The following MPDZ variants were observed in gnomAD, a reference collection of about 807,000 sequenced individuals.
MPDZ encodes multiple PDZ domain protein.
In MPDZ, 234 loss-of-function variants were observed where a neutral mutation model predicts 239.1. The observed-to-expected ratio is 0.98, with a 90% CI of 0.88 to 1.09. MPDZ has a LOEUF of 1.09. Ranked by LOEUF, MPDZ falls within the 50% of genes least tolerant of loss-of-function variation. The pLI, the probability that MPDZ is intolerant of heterozygous loss-of-function variation, is 0.00. For missense variants in MPDZ, 3,175 were observed against 2,510.0 expected, an observed-to-expected ratio of 1.26 and a Z score of -5.66; for synonymous variants, 1,048 against 881.3, an observed-to-expected ratio of 1.19 and a Z score of -3.35.
At chr9:13,254,492 A>G (rs1438733999) in intron 1 of MPDZ, among the ~76,000 whole-genome samples, 1 of 152,216 alleles carries the variant, frequency 6.6e-6, no homozygotes. Flanking sequence ...CAATTTTATT[A>G]TTAGTTGTTG....
chr9:13,113,220 C>A (rs1381091044), intron 41 of MPDZ, among the ~76,000 whole-genome samples, 166 bp from the exon 42 acceptor site: 1 of 151,984 alleles, frequency 6.6e-6, no homozygotes, highest in Non-Finnish European at 1.5e-5. Context: ...TTACACAGAA[C>A]TATTTATTTT....
At chr9:13,189,978 A>C (rs1348167299) in intron 16 of MPDZ, 136 bp downstream of exon 16, 8 of 690,044 alleles carry the variant, frequency 1.2e-5, no homozygotes, top group African/African-American at 1.8e-5. Context: ...TAATCAGTGA[A>C]TCCTATAAAT....
In MPDZ at chr9:13,119,862, C is replaced by G. The variant is rs1041384354; in HGVS notation, c.5232-213G>C. ...AGTGCTTCATAGATTAAAATGATCT[C>G]CAATAAGCATATTTATTCTTCATCA... On this transcript the variant is annotated intron_variant, in intron 38 of 46. Coordinates refer to ENST00000319217, the MANE Select transcript of MPDZ (RefSeq NM_001378778.1). The G allele has an allele frequency of 5.3e-6, 3 of 570,068 alleles. No homozygotes were observed. In the African/African-American group the frequency reaches 5.6e-5, roughly 11 times the overall value. The allele number at this position is 570,068 out of a possible 1,614,324, so 35.3% of individuals were successfully genotyped here.
intron 1 of MPDZ, among the ~76,000 whole-genome samples, chr9:13,269,797 A>G (rs1232954584): frequency 6.6e-6 from 1 of 152,180 alleles, no homozygotes; most frequent in African/African-American, 2.4e-5. Flanking sequence ...CACTAAGAAA[A>G]TTCAGCAAGA....
At chr9:13,130,550 T>C (rs1400381254) in intron 32 of MPDZ, among the ~76,000 whole-genome samples, 1 of 152,220 alleles carries the variant, frequency 6.6e-6, no homozygotes, top group African/African-American at 2.4e-5. Flanking sequence ...ACAGAAAAGA[T>C]ACCCACATCA....
chr9:13,124,670 C>G (rs912650875), intron 35 of MPDZ, among the ~76,000 whole-genome samples: 1 of 152,092 alleles, frequency 6.6e-6, no homozygotes, highest in Admixed American at 6.5e-5. Context: ...TGACAGGACC[C>G]ACTATTACAC....
At chr9:13,205,821 A>T in intron 11 of MPDZ, 95 bp downstream of exon 11, 2 of 1,139,464 alleles carry the variant, frequency 1.8e-6, no homozygotes, top group Non-Finnish European at 2.4e-6. Flanking sequence ...CTGAATAATT[A>T]AGAACCATTC....
At chr9:13,193,431 A>C in intron 13 of MPDZ, 118 bp from the exon 14 acceptor site, 1 of 1,147,932 alleles carries the variant, frequency 8.7e-7, no homozygotes, top group Non-Finnish European at 1.2e-6. Context: ...AAAGCTTCAA[A>C]AACCATATTG....
chr9:13,123,187 C>A lies in MPDZ; in HGVS notation c.4919G>T (p.Gly1640Val). 3.7e-6 allele frequency: 6 copies of A among 1,612,968 alleles called. No individual in the cohort carries two copies. The highest frequency in any genetic ancestry group is 5.1e-6 in the Non-Finnish European group (6 of 1,179,806). ...GTCTGAACCCCCAACGATGCTCAGG[C>A]CCAGCCCTGTTCGCCCTTTGGAAAT... ...IEISKGRTGL[G>V]LSIVGGSDTL... The change falls in exon 36 of 47, where the codon GGC (glycine) becomes GTC (valine). Residue 1640 changes from glycine to valine, a missense_variant. Gly to Val is a moderately radical substitution (Grantham distance 109). Coordinates refer to ENST00000319217, the MANE Select transcript of MPDZ (RefSeq NM_001378778.1).
chr9:13,176,348 T>A lies in MPDZ; in HGVS notation c.2719A>T (p.Asn907Tyr). Residue 907 changes from asparagine to tyrosine, a missense_variant, in exon 20 of 47, where the codon AAT becomes TAT. Asn to Tyr is a moderately radical substitution (Grantham distance 143, BLOSUM62 -2). Transcript: ENST00000319217. ...HMSLEELYTQ[N>Y]LLQRQDENTP... is the part of the protein sequence containing the mutation. Reference sequence around the variant, plus strand: ...TTCTCATCCTGTCTTTGCAGGAGATTCTGGGTATATAGTTCCTCCAGAGAC... The same window carrying A: ...TTCTCATCCTGTCTTTGCAGGAGATACTGGGTATATAGTTCCTCCAGAGAC... 6.2e-7 allele frequency: 1 copy of A among 1,607,776 alleles called. No individual in the cohort carries two copies.
chr9:13,112,158 C>T lies in MPDZ; in HGVS notation c.5602-12G>A. 6.2e-7 allele frequency: 1 copy of T among 1,600,084 alleles called. No individual in the cohort carries two copies. Among genetic ancestry groups the T allele is most frequent in the Admixed American group, 1.7e-5 (1 of 58,328 alleles). Reference sequence around the variant, plus strand: ...GAGTCAGTAGGGCCCTGCCATGGAACAGATATAAAATTTTGGTCAAAGTGA... The same window carrying T: ...GAGTCAGTAGGGCCCTGCCATGGAATAGATATAAAATTTTGGTCAAAGTGA... On this transcript the variant is annotated splice_polypyrimidine_tract_variant and intron_variant, in intron 42 of 46. Transcript: ENST00000319217.
rs1175029136 is a variant in MPDZ at position 13,136,320 on chromosome 9, GTTTTCT to G, written c.4293-144_4293-139del. 6.6e-4 allele frequency: 129 copies of G among 194,618 alleles called. 7 individuals carry two copies. The African/African-American group carries it at 6.9e-3, about 10-fold the overall frequency. 12.1% of individuals were successfully genotyped at this position (194,618 alleles called of 1,614,324 possible). On this transcript the variant is annotated intron_variant, in intron 30 of 46. Coordinates refer to ENST00000319217, the MANE Select transcript of MPDZ (RefSeq NM_001378778.1). ...CTGTGACACTTACAAATTTACAAAC[GTTTTCT>G]TTTTTTTTTTTTTTTTTTTTTTTGA...
chr9:13,250,800 CCTAA>C (rs1967753630), intron 1 of MPDZ, among the ~76,000 whole-genome samples: 1 of 152,088 alleles, frequency 6.6e-6, no homozygotes, highest in South Asian at 2.1e-4. Context: ...GGCTCACACT[CCTAA>C]CTGAGGAGAC....
At chr9:13,156,644 G>A (rs1023214521) in intron 24 of MPDZ, among the ~76,000 whole-genome samples, 1 of 152,180 alleles carries the variant, frequency 6.6e-6, no homozygotes, top group African/African-American at 2.4e-5. Context: ...GCTACAAGAT[G>A]AGATTTGGGT....
At chr9:13,190,083 T>C (rs766398570) in intron 16 of MPDZ, 31 bp downstream of exon 16, 73 of 1,583,784 alleles carry the variant, frequency 4.6e-5, no homozygotes, top group Non-Finnish European at 6.1e-5. Flanking sequence ...CAATAGGCCT[T>C]TAAAAATTGT....
At chr9:13,178,365 G>A (rs1952796053) in intron 19 of MPDZ, among the ~76,000 whole-genome samples, 1 of 151,974 alleles carries the variant, frequency 6.6e-6, no homozygotes, top group Non-Finnish European at 1.5e-5. Flanking sequence ...GCCAGTCCTA[G>A]ATTAGTTTGG....
At chr9:13,203,826 G>C (rs1164911777) in intron 12 of MPDZ, among the ~76,000 whole-genome samples, 3 of 150,768 alleles carry the variant, frequency 2.0e-5, no homozygotes, top group Non-Finnish European at 4.4e-5. Flanking sequence ...CTTCACCAAA[G>C]CAAAATAGAT....
rs529377176 is a variant in MPDZ, at chr9:13,267,322, T to A, written c.-58+12078A>T. On this transcript the variant is annotated intron_variant, in intron 1 of 46. Transcript: ENST00000319217. ...CCTGTTTTCTTAAACAAAACCTATG[T>A]CCTTTACAAATATGCATTTCCTTTA... Among the ~76,000 whole-genome samples, 4 of 152,318 alleles carry A rather than the reference T, an allele frequency of 2.6e-5. No individual in the cohort carries two copies. In the East Asian group the frequency reaches 7.7e-4, roughly 29 times the overall value.
In MPDZ at chr9:13,270,963, G is replaced by A. The variant is rs146236704; in HGVS notation, c.-58+8437C>T. Among the ~76,000 whole-genome samples the A allele has an allele frequency of 5.3e-3, 800 of 152,254 alleles. 5 individuals carry two copies. Among genetic ancestry groups the A allele is most frequent in the African/African-American group, 0.019 (773 of 41,562 alleles). ...GGTAAGAATTACAGAAAACATGCAA[G>A]TGGGTGAGGAATATTTAGCAAGCAG... is the stretch of plus-strand genomic sequence containing the variant. On this transcript the variant is annotated intron_variant, in intron 1 of 46. Coordinates refer to ENST00000319217, the MANE Select transcript of MPDZ (RefSeq NM_001378778.1).
Sources: gnomAD v4.1 joint callset for allele counts (sites outside exome capture counted in the v4.1 genomes callset) on GRCh38, gnomAD v4.1.1 for gene constraint, MANE v1.5 for transcripts, NCBI Gene and HGNC (gene_info 2026-07-23, HGNC 2026-07-21) for gene names.